The following PATJ variants were observed in gnomAD, a reference collection of about 807,000 sequenced individuals.
PATJ encodes the protein inaD-like protein.
Under a neutral mutation model 224.9 loss-of-function variants are expected in PATJ, and 190 were observed. The observed-to-expected ratio is 0.84, with a 90% CI of 0.75 to 0.95. The LOEUF is 0.95. PATJ is among the 40% of genes least tolerant of loss of function. The probability of loss-of-function intolerance (pLI) is 0.00; values close to 1 mark genes in which losing one functional copy is unlikely to be tolerated. For synonymous variants in PATJ, 769 were observed against 820.3 expected, an observed-to-expected ratio of 0.94 and a Z score of 1.07; for missense variants, 2,121 against 2,270.3, an observed-to-expected ratio of 0.93 and a Z score of 1.34.
chr1:61,985,402 G>T (rs12093140), intron 27 of PATJ, among the ~76,000 whole-genome samples: 38,482 of 151,904 alleles, frequency 0.25, 5,244 homozygotes, highest in East Asian at 0.45. Context: ...CCAATTTTTT[G>T]AGGGTATTTT....
intron 31 of PATJ, among the ~76,000 whole-genome samples, chr1:62,054,853 G>A (rs989676199): frequency 2.0e-5 from 3 of 152,082 alleles, no homozygotes; most frequent in South Asian, 4.2e-4. Context: ...TCAAGAGATC[G>A]AGACCAGCCT....
At chr1:61,768,734 C>T (rs1646436268) in intron 4 of PATJ, among the ~76,000 whole-genome samples, 1 of 150,708 alleles carries the variant, frequency 6.6e-6, no homozygotes, top group African/African-American at 2.4e-5. Flanking sequence ...ACCCCGTCTC[C>T]ACAAAAAATA....
At chr1:61,910,536 C>CTTGT (rs1672469698) in intron 25 of PATJ, among the ~76,000 whole-genome samples, 1 of 42,242 alleles carries the variant, frequency 2.4e-5, no homozygotes, top group Admixed American at 4.0e-4. Flanking sequence ...CAAAGTGACT[C>CTTGT]TTTTTTTTTT....
chr1:61,800,560 C>T (rs1652257133), intron 11 of PATJ, among the ~76,000 whole-genome samples: 1 of 152,142 alleles, frequency 6.6e-6, no homozygotes, highest in South Asian at 2.1e-4. Context: ...ACCTATTTTG[C>T]TATGCAGAAG....
intron 38 of PATJ, among the ~76,000 whole-genome samples, chr1:62,122,049 T>C (rs367756544): frequency 1.1e-3 from 171 of 151,116 alleles, no homozygotes; most frequent in African/African-American, 3.9e-3. Context: ...TTGATTAAGG[T>C]AGAAAAAAAT....
At chr1:61,745,174 C>G (rs1644960893) in intron 1 of PATJ, among the ~76,000 whole-genome samples, 1 of 152,188 alleles carries the variant, frequency 6.6e-6, no homozygotes, top group African/African-American at 2.4e-5. Flanking sequence ...TGGCCTCTCT[C>G]TGTAGCATTC....
At chr1:62,034,220 A>T (rs773977182) in intron 29 of PATJ, among the ~76,000 whole-genome samples, 3 of 152,134 alleles carry the variant, frequency 2.0e-5, no homozygotes, top group Non-Finnish European at 4.4e-5. Flanking sequence ...AGGCGGGCAG[A>T]TCACTTGAGG....
intron 37 of PATJ, among the ~76,000 whole-genome samples, chr1:62,118,778 C>T (rs1423723949): frequency 6.6e-6 from 1 of 151,880 alleles, no homozygotes; most frequent in Non-Finnish European, 1.5e-5. Context: ...TACAGGTGCC[C>T]GCCACCACAT....
intron 28 of PATJ, among the ~76,000 whole-genome samples, chr1:61,996,321 G>C (rs6684445): frequency 0.28 from 42,536 of 152,036 alleles, 6,375 homozygotes; most frequent in East Asian, 0.45. Flanking sequence ...TCATGCAAAA[G>C]TCCTACCAGG....
intron 25 of PATJ, among the ~76,000 whole-genome samples, chr1:61,909,186 G>A (rs960429248): frequency 6.6e-6 from 1 of 152,032 alleles, no homozygotes; most frequent in African/African-American, 2.4e-5. Flanking sequence ...CACCTTGTTG[G>A]CTAGGCTGGT....
In PATJ at chr1:61,886,980, C is replaced by CA. The variant is rs112460438; in HGVS notation, c.3131+2582dup. ...TGGGTGACATAGCGAGACCCTGTCT[C>CA]AAAAAAAAAATACATGTTACTTAGA... On this transcript the variant is annotated intron_variant, in intron 22 of 43. Transcript: ENST00000642238. Among the ~76,000 whole-genome samples the CA allele has an allele frequency of 8.8e-3, 1,247 of 141,756 alleles. 21 individuals are homozygous for CA. The highest frequency in any genetic ancestry group is 0.03 in the African/African-American group (1,159 of 38,540). The allele number at this position is 141,756 out of a possible 152,430, so 93.0% of individuals were successfully genotyped here.
At chr1:61,967,993 C>T (rs1217130357) in intron 27 of PATJ, among the ~76,000 whole-genome samples, 7 of 151,896 alleles carry the variant, frequency 4.6e-5, no homozygotes, top group African/African-American at 4.8e-5. Context: ...AATTCCTTTT[C>T]GATGTCATCA....
chr1:62,018,717 T>C lies in PATJ; in HGVS notation c.3959+770T>C, dbSNP rs1646912978. ...CATCTCCCTCATTCATTGTGATATT[T>C]CAGAAATTGAAAATGCTCAATACAA... On this transcript the variant is annotated intron_variant, in intron 29 of 43. Coordinates refer to ENST00000642238, the MANE Select transcript of PATJ (RefSeq NM_001350145.3). This position sits in a 1 kb window ranked among gnomAD's most constrained non-coding sequence, Gnocchi z 4.2. Among the ~76,000 whole-genome samples the C allele has an allele frequency of 6.6e-6, 1 of 152,224 alleles. No homozygotes were observed. Among genetic ancestry groups the C allele is most frequent in the African/African-American group, 2.4e-5 (1 of 41,468 alleles).
At position 61,949,333 on chromosome 1, in the gene PATJ, G is replaced by A. The variant is rs530544560; in HGVS notation, c.3670+21504G>A. ...TAGAGAGAAAGCAGGCCTGGGTTGCGATTGGGTTTGATGGAATTTTTGGGG... is the reference window on the plus strand; with the variant it reads ...TAGAGAGAAAGCAGGCCTGGGTTGCAATTGGGTTTGATGGAATTTTTGGGG... On this transcript the variant is annotated intron_variant, in intron 27 of 43. Transcript: ENST00000642238. Among the ~76,000 whole-genome samples the A allele has an allele frequency of 1.1e-4, 17 of 152,134 alleles. 1 individual carries two copies. The East Asian group carries it at 2.7e-3, about 24-fold the overall frequency.
chr1:61,912,348 C>T (rs901188351), intron 25 of PATJ, among the ~76,000 whole-genome samples: 8 of 152,180 alleles, frequency 5.3e-5, no homozygotes, highest in South Asian at 4.1e-4. Flanking sequence ...AATCCCAGCA[C>T]TTTCGGAGGC....
chr1:61,802,041 C>T (rs1652639739), intron 12 of PATJ, among the ~76,000 whole-genome samples: 1 of 150,924 alleles, frequency 6.6e-6, no homozygotes, highest in Non-Finnish European at 1.5e-5. Context: ...CACCCATTAA[C>T]TCATCATTTA....
At position 61,990,149 on chromosome 1, in the gene PATJ, A is replaced by G. The variant is rs185511963; in HGVS notation, c.3671-19A>G. ...AGATCAAGCTACTCTATTTAATTTT[A>G]AAAAAATTCTTTTAATAGAAAAAAT... On this transcript the variant is annotated intron_variant, in intron 27 of 43. Transcript: ENST00000642238. 1.3e-6 allele frequency: 2 copies of G among 1,544,318 alleles called. No homozygotes were observed. The highest frequency in any genetic ancestry group is 2.4e-5 in the East Asian group (1 of 41,774).
chr1:61,857,753 A>G (rs907814515), intron 18 of PATJ, among the ~76,000 whole-genome samples: 4 of 152,188 alleles, frequency 2.6e-5, no homozygotes, highest in African/African-American at 9.7e-5. Context: ...TCAGGAATCT[A>G]CCTCTTCAAT....
chr1:62,094,379 G>C (rs1206209759), intron 33 of PATJ, among the ~76,000 whole-genome samples: 1 of 152,054 alleles, frequency 6.6e-6, no homozygotes, highest in Non-Finnish European at 1.5e-5. Context: ...GGGTGACAAA[G>C]TAAGACTCTG....
Sources: gnomAD v4.1 joint callset for allele counts (sites outside exome capture counted in the v4.1 genomes callset) on GRCh38, gnomAD v4.1.1 for gene constraint, Gnocchi (gnomAD v3.1) non-coding constraint, MANE v1.5 for transcripts, NCBI Gene and HGNC (gene_info 2026-07-23, HGNC 2026-07-21) for gene names.